GRK5: variants seen among roughly 807,000 people sequenced by gnomAD.
The protein encoded by GRK5 is G protein-coupled receptor kinase 5, also known as g protein-coupled receptor kinase GRK5.
A neutral mutation model predicts 78.4 loss-of-function variants in GRK5; 40 were observed. The ratio of observed to expected loss-of-function variants is 0.51; its 90% confidence interval spans 0.40 to 0.66. GRK5 has a LOEUF of 0.66. GRK5 is among the 30% of genes least tolerant of loss of function. The pLI is 0.00. For missense variants in GRK5, 598 were observed against 759.9 expected (o/e 0.79, Z 2.50); for synonymous variants, 289 against 296.8 (o/e 0.97, Z 0.27).
At chr10:119,409,039 G>A (rs1852289518) in intron 4 of GRK5, among the ~76,000 whole-genome samples, 1 of 152,178 alleles carries the variant, frequency 6.6e-6, no homozygotes, top group South Asian at 2.1e-4. Flanking sequence ...GCAAGGCCGG[G>A]GAATGAGCAA....
chr10:119,281,845 T>C (rs1485892336), intron 1 of GRK5, among the ~76,000 whole-genome samples: 1 of 152,222 alleles, frequency 6.6e-6, no homozygotes, highest in African/African-American at 2.4e-5. Context: ...TACTTAGCTT[T>C]GTAGATGGAT....
intron 3 of GRK5, among the ~76,000 whole-genome samples, chr10:119,388,374 T>C (rs1224630672): frequency 6.6e-6 from 1 of 152,244 alleles, no homozygotes; most frequent in Non-Finnish European, 1.5e-5. Flanking sequence ...TCTCACTCTT[T>C]TGCCCAGGCT....
chr10:119,427,454 G>GCCATCATCAGCATCACCA (rs1852714743), intron 6 of GRK5, among the ~76,000 whole-genome samples: 2 of 141,192 alleles, frequency 1.4e-5, no homozygotes, highest in African/African-American at 5.4e-5. Context: ...CAGCATCACC[G>GCCATCATCAGCATCACCA]CCATCATCAG....
At chr10:119,261,722 C>G (rs936408682) in intron 1 of GRK5, among the ~76,000 whole-genome samples, 2 of 152,254 alleles carry the variant, frequency 1.3e-5, no homozygotes, top group African/African-American at 4.8e-5. Flanking sequence ...CACAGCGAAA[C>G]CCCGTCTCCA....
intron 4 of GRK5, among the ~76,000 whole-genome samples, chr10:119,421,253 G>T (rs7076555): frequency 0.34 from 52,168 of 152,136 alleles, 9,749 homozygotes; most frequent in East Asian, 0.57. Flanking sequence ...CGGGATTTGT[G>T]CTAATATTCA....
chr10:119,455,019 C>A lies in GRK5; in HGVS notation c.1725C>A (p.His575Gln). 6.2e-7 allele frequency: 1 copy of A among 1,614,172 alleles called. No individual in the cohort carries two copies. Among genetic ancestry groups the A allele is most frequent in the Non-Finnish European group, 8.5e-7 (1 of 1,180,018 alleles). ...SSPSSKTSFNHHINSNHVSSN... is the reference protein window; with the variant it reads ...SSPSSKTSFNQHINSNHVSSN... ...CCAGCTCCAAGACCAGTTTTAACCA[C>A]CACATAAACTCAAACCATGTCAGCT... Residue 575 changes from histidine to glutamine, a missense_variant, in exon 16 of 16, where the codon CAC becomes CAA. Coordinates refer to ENST00000392870, the MANE Select transcript of GRK5 (RefSeq NM_005308.3).
rs1039674590 is a variant in GRK5, at chr10:119,238,058, G to T, written c.52+30089G>T. Among the ~76,000 whole-genome samples the T allele has an allele frequency of 6.6e-6, 1 of 152,154 alleles. No homozygotes were observed. Among genetic ancestry groups the T allele is most frequent in the Admixed American group, 6.5e-5 (1 of 15,280 alleles). On this transcript the variant is annotated intron_variant, in intron 1 of 15. Coordinates refer to ENST00000392870, the MANE Select transcript of GRK5 (RefSeq NM_005308.3). The surrounding 1 kb of genome is among the most constrained non-coding windows in gnomAD (Gnocchi z 4.7). ...AACTAAAGGGCTTGAGGGTGAGGGGGTGCTGATCTAGGGAGGAAGGAGGTT... is the reference window on the plus strand; with the variant it reads ...AACTAAAGGGCTTGAGGGTGAGGGGTTGCTGATCTAGGGAGGAAGGAGGTT...
At chr10:119,291,956 C>CTTCCTCCTCTTTTTCCTCCTTCTT (rs1564879494) in intron 1 of GRK5, among the ~76,000 whole-genome samples, 1 of 71,138 alleles carries the variant, frequency 1.4e-5, no homozygotes, top group Non-Finnish European at 3.0e-5. Flanking sequence ...TCCTCCTTCT[C>CTTCCTCCTCTTTTTCCTCCTTCTT]CTCCTCTTCC....
rs1220992858 is a variant in GRK5, at chr10:119,218,982, C to T, written c.52+11013C>T. Among the ~76,000 whole-genome samples the T allele has an allele frequency of 2.0e-5, 3 of 148,260 alleles. No homozygotes were observed. The East Asian group carries it at 5.8e-4, about 29-fold the overall frequency. On this transcript the variant is annotated intron_variant, in intron 1 of 15. Coordinates refer to ENST00000392870, the MANE Select transcript of GRK5 (RefSeq NM_005308.3). Reference sequence around the variant, plus strand: ...GCACGATCTCAGCTCACCGCAACCTCCGCTTCCCGGGTTCAAGCGATTCTC... The same window carrying T: ...GCACGATCTCAGCTCACCGCAACCTTCGCTTCCCGGGTTCAAGCGATTCTC...
rs1852787607 is a variant in GRK5 at position 119,430,215 on chromosome 10, G to A, written c.534-160G>A. 6.6e-6 allele frequency among the ~76,000 whole-genome samples: 1 copy of A among 152,102 alleles called. No individual in the cohort carries two copies. Among genetic ancestry groups the A allele is most frequent in the African/African-American group, 2.4e-5 (1 of 41,410 alleles). On this transcript the variant is annotated intron_variant, in intron 6 of 15. Transcript: ENST00000392870. This position sits in a 1 kb window ranked among gnomAD's most constrained non-coding sequence, Gnocchi z 4.5. ...ACACTCAGCTTCAGACTAAGTCCTC[G>A]AAGGTCCAGTCTCCAGCGATGATTC... is the stretch of plus-strand genomic sequence containing the variant.
intron 1 of GRK5, among the ~76,000 whole-genome samples, chr10:119,215,324 A>G (rs915607250): frequency 6.6e-5 from 10 of 152,124 alleles, no homozygotes; most frequent in Non-Finnish European, 1.0e-4. Flanking sequence ...GAGCTTCTCT[A>G]GAGGATTCTG....
intron 6 of GRK5, among the ~76,000 whole-genome samples, 172 bp downstream of exon 6, chr10:119,425,257 G>GCACACACGCATACACA (rs1852652721): frequency 1.1e-5 from 1 of 92,462 alleles, no homozygotes; most frequent in African/African-American, 4.8e-5. Flanking sequence ...GCTTATTCAA[G>GCACACACGCATACACA]CACACACACA....
chr10:119,333,924 C>G (rs1334450799), intron 2 of GRK5: 1 of 497,338 alleles, frequency 2.0e-6, no homozygotes, highest in East Asian at 5.8e-5. Flanking sequence ...CCCCACTTCC[C>G]TGGAGGAAGT....
At chr10:119,272,601 A>G (rs1255932452) in intron 1 of GRK5, among the ~76,000 whole-genome samples, 1 of 151,346 alleles carries the variant, frequency 6.6e-6, no homozygotes, top group African/African-American at 2.4e-5. Flanking sequence ...AAAGAAAGAA[A>G]GAAAGAAACA....
chr10:119,400,342 C>A (rs1852128458), intron 4 of GRK5, among the ~76,000 whole-genome samples: 2 of 152,152 alleles, frequency 1.3e-5, no homozygotes, highest in Non-Finnish European at 2.9e-5. Context: ...GGAAGCTGGA[C>A]ACAAAAGAAG....
rs540819907 is a variant in GRK5, at chr10:119,277,598, A to G, written c.53-48918A>G. ...GTAATTGACAGACAGTAAGCCACAC[A>G]TATTTAAAGAATATGATTTGAGAAG... On this transcript the variant is annotated intron_variant, in intron 1 of 15. Coordinates refer to ENST00000392870, the MANE Select transcript of GRK5 (RefSeq NM_005308.3). Among the ~76,000 whole-genome samples the G allele has an allele frequency of 6.6e-5, 10 of 152,354 alleles. No individual in the cohort carries two copies. The East Asian group carries it at 1.4e-3, about 21-fold the overall frequency.
intron 1 of GRK5, among the ~76,000 whole-genome samples, chr10:119,274,129 A>G (rs1281157195): frequency 6.6e-6 from 1 of 152,134 alleles, no homozygotes; most frequent in Non-Finnish European, 1.5e-5. Context: ...TTTGAAGCAA[A>G]GCTTGGTTAG....
At chr10:119,251,315 G>A (rs1008040573) in intron 1 of GRK5, among the ~76,000 whole-genome samples, 4 of 152,190 alleles carry the variant, frequency 2.6e-5, no homozygotes, top group African/African-American at 9.6e-5. Context: ...ATAACCAAAA[G>A]GCTCTGTAAG....
At chr10:119,393,676 C>G (rs1200251330) in intron 3 of GRK5, among the ~76,000 whole-genome samples, 1 of 152,224 alleles carries the variant, frequency 6.6e-6, no homozygotes, top group Non-Finnish European at 1.5e-5. Flanking sequence ...AGGCAGCTGG[C>G]TCTAGAGTGC....
Sources: allele counts gnomAD v4.1 joint callset (sites outside exome capture counted in the v4.1 genomes callset), GRCh38; gene constraint gnomAD v4.1.1; non-coding constraint Gnocchi (gnomAD v3.1); transcripts MANE v1.5; gene names NCBI Gene and HGNC (gene_info 2026-07-23, HGNC 2026-07-21).